NRXN1: variants seen among roughly 807,000 people sequenced by gnomAD.
NRXN1 encodes the protein neurexin 1.
Under a neutral mutation model 150.9 loss-of-function variants are expected in NRXN1, and 39 were observed. The ratio of observed to expected loss-of-function variants is 0.26; its 90% CI spans 0.20 to 0.34. The LOEUF (loss-of-function observed/expected upper bound fraction) is 0.34. Ranked by LOEUF, NRXN1 falls within the 10% of genes least tolerant of loss-of-function variation. The probability of loss-of-function intolerance (pLI) is 1.00; values close to 1 mark genes in which losing one functional copy is unlikely to be tolerated. For missense variants in NRXN1, 1,815 were observed against 1,949.9 expected (o/e 0.93, Z 1.30); for synonymous variants, 924 against 757.0 (o/e 1.22, Z -3.62).
chr2:50,439,716 C>A (rs905667950), intron 17 of NRXN1, among the ~76,000 whole-genome samples: 25 of 151,390 alleles, frequency 1.7e-4, no homozygotes, highest in Admixed American at 5.9e-4. Context: ...ACTCGGGAGG[C>A]TGAGGCAGGA....
chr2:50,152,316 A>G (rs982355978), intron 18 of NRXN1, among the ~76,000 whole-genome samples: 7 of 151,662 alleles, frequency 4.6e-5, no homozygotes, highest in African/African-American at 1.5e-4. Context: ...TCATGACTAG[A>G]TTATTTTACT....
rs575923265 is a variant in NRXN1 at position 50,776,878 on chromosome 2, C to T, written c.832+144991G>A. The stretch of plus-strand genomic sequence containing the variant: ...TCCAATATTCTGAAGCTACAAGGGC[C>T]AGTGCCCACCGATCCTAGTCCCATT... On this transcript the variant is annotated intron_variant, in intron 5 of 22. Transcript: ENST00000401669. 2.6e-5 allele frequency among the ~76,000 whole-genome samples: 4 copies of T among 152,218 alleles called. No individual in the cohort carries two copies. In the South Asian group the frequency reaches 8.3e-4, roughly 32 times the overall value.
Position 50,329,617 on chromosome 2 carries a change from GTATATA to G in NRXN1, c.3365-92653_3365-92648del, listed in dbSNP as rs1172739306. Among the ~76,000 whole-genome samples the G allele has an allele frequency of 1.9e-3, 27 of 13,976 alleles. 1 individual carries two copies. The highest frequency in any genetic ancestry group is 8.5e-3 in the South Asian group (2 of 236). The allele number at this position is 13,976 out of a possible 152,430, so 9.2% of individuals were successfully genotyped here. A position where few individuals can be genotyped will look rare whatever the true frequency, so the allele number is the denominator to read the frequency against. On this transcript the variant is annotated intron_variant, in intron 17 of 22. Coordinates refer to ENST00000401669, the MANE Select transcript of NRXN1 (RefSeq NM_001330078.2). ...TGTGTGTGTGTGTGTGTGTGTGTGT[GTATATA>G]TATATATATATATATATATATATAT...
At chr2:50,517,118 T>G (rs2092653433) in intron 12 of NRXN1, among the ~76,000 whole-genome samples, 2 of 152,106 alleles carry the variant, frequency 1.3e-5, no homozygotes, top group South Asian at 4.1e-4. Flanking sequence ...TCTCATAAGC[T>G]AATACTAGAA....
chr2:49,936,777 C>T (rs1043685374), intron 22 of NRXN1, among the ~76,000 whole-genome samples: 3 of 148,844 alleles, frequency 2.0e-5, no homozygotes, highest in Non-Finnish European at 4.5e-5. Context: ...CAATTAAATA[C>T]AAATTGCTAT....
At chr2:50,024,891 C>T (rs1480794584) in intron 21 of NRXN1, among the ~76,000 whole-genome samples, 1 of 152,128 alleles carries the variant, frequency 6.6e-6, no homozygotes, top group Non-Finnish European at 1.5e-5. Context: ...GCTGGGATTA[C>T]AGGCGTGAGC....
chr2:50,001,455 G>T (rs560864181), intron 21 of NRXN1, among the ~76,000 whole-genome samples: 2 of 152,004 alleles, frequency 1.3e-5, no homozygotes, highest in South Asian at 2.1e-4. Flanking sequence ...AAGCATTTAG[G>T]GGGTATATAA....
At chr2:50,667,157 A>T (rs956494528) in intron 5 of NRXN1, among the ~76,000 whole-genome samples, 1 of 147,218 alleles carries the variant, frequency 6.8e-6, no homozygotes, top group Non-Finnish European at 1.5e-5. Flanking sequence ...AAATATAAAG[A>T]ATTTACACAA....
chr2:50,552,903 T>A lies in NRXN1; in HGVS notation c.1443A>T (p.Pro481=). ...FKCENVATLD[P]ITFETPESFI... is the part of the protein sequence containing the mutation. ...AAGACTCTGGGGTTTCAAAGGTGAT[T>A]GGGTCTAAAGTTGCAACATTCTCAC... The change falls in exon 9 of 23, where the codon CCA becomes CCT. Residue 481 remains proline, a synonymous_variant. Transcript: ENST00000401669. The A allele has an allele frequency of 6.2e-7, 1 of 1,613,966 alleles. No individual in the cohort carries two copies. Among genetic ancestry groups the A allele is most frequent in the Non-Finnish European group, 8.5e-7 (1 of 1,179,842 alleles).
rs577105844 is a variant in NRXN1, at chr2:50,809,231, A to T, written c.832+112638T>A. Among the ~76,000 whole-genome samples the T allele has an allele frequency of 8.1e-4, 123 of 152,208 alleles. No homozygotes were observed. The Middle Eastern group carries it at 0.024, about 29-fold the overall frequency. On this transcript the variant is annotated intron_variant, in intron 5 of 22. Transcript: ENST00000401669. ...GACTTAGTAAAAGTCCTCAAAGGAAACTTAAGCATAAGCAGAGTAACTTCT... is the reference window on the plus strand; with the variant it reads ...GACTTAGTAAAAGTCCTCAAAGGAATCTTAAGCATAAGCAGAGTAACTTCT...
chr2:49,974,997 T>C (rs554463561), intron 21 of NRXN1, among the ~76,000 whole-genome samples: 81 of 151,976 alleles, frequency 5.3e-4, no homozygotes, highest in Non-Finnish European at 8.7e-4. Flanking sequence ...GAATACCATA[T>C]GGAACTATAT....
chr2:50,032,794 G>C (rs1573517234), intron 21 of NRXN1, among the ~76,000 whole-genome samples: 1 of 151,848 alleles, frequency 6.6e-6, no homozygotes. Flanking sequence ...GTGGCTGTCT[G>C]CAAGCCGGTA....
At chr2:50,902,534 T>C (rs1009920582) in intron 5 of NRXN1, among the ~76,000 whole-genome samples, 3 of 152,206 alleles carry the variant, frequency 2.0e-5, no homozygotes, top group Admixed American at 1.3e-4. Context: ...TTAATTTTGT[T>C]TTCTAATTCA....
At chr2:50,985,978 A>T (rs1423712556) in intron 2 of NRXN1, among the ~76,000 whole-genome samples, 1 of 151,762 alleles carries the variant, frequency 6.6e-6, no homozygotes, top group East Asian at 1.9e-4. Context: ...CACTACAGAG[A>T]AATTACAGAG....
chr2:50,467,803 T>A (rs568033815), intron 16 of NRXN1, among the ~76,000 whole-genome samples: 1 of 151,460 alleles, frequency 6.6e-6, no homozygotes, highest in East Asian at 1.9e-4. Flanking sequence ...TTATTTGTAA[T>A]AAAGAACTAA....
chr2:50,514,031 T>C (rs1044430369), intron 12 of NRXN1, among the ~76,000 whole-genome samples: 2 of 152,140 alleles, frequency 1.3e-5, no homozygotes, highest in Admixed American at 1.3e-4. Context: ...TGCAAACCAA[T>C]TGGTTCTAAA....
chr2:50,557,975 T>C (rs892379864), intron 8 of NRXN1, among the ~76,000 whole-genome samples: 11 of 152,286 alleles, frequency 7.2e-5, no homozygotes, highest in Admixed American at 2.6e-4. Context: ...CTAGAAAATA[T>C]ACACAGCAGG....
At chr2:50,411,004 T>C (rs956949637) in intron 17 of NRXN1, among the ~76,000 whole-genome samples, 4 of 152,078 alleles carry the variant, frequency 2.6e-5, no homozygotes, top group Non-Finnish European at 5.9e-5. Flanking sequence ...AATTCAAACA[T>C]ATATTTGGGT....
Position 49,993,715 on chromosome 2 carries a change from G to T in NRXN1, c.4129-49924C>A, listed in dbSNP as rs940204150. On this transcript the variant is annotated intron_variant, in intron 21 of 22. Coordinates refer to ENST00000401669, the MANE Select transcript of NRXN1 (RefSeq NM_001330078.2). ...TGAGCCTAAAACTGCCCTAAAAATT[G>T]TCTTTTGAGAAATTAAAAGACATTT... is the stretch of plus-strand genomic sequence containing the variant. Among the ~76,000 whole-genome samples the T allele has an allele frequency of 3.0e-4, 45 of 152,068 alleles. 1 individual carries two copies. The highest frequency in any genetic ancestry group is 2.6e-4 in the Admixed American group (4 of 15,266).
Sources: allele counts gnomAD v4.1 joint callset (sites outside exome capture counted in the v4.1 genomes callset), GRCh38; gene constraint gnomAD v4.1.1; transcripts MANE v1.5; gene names NCBI Gene and HGNC (gene_info 2026-07-23, HGNC 2026-07-21).